MTCL1: variants seen among roughly 807,000 people sequenced by gnomAD.
The protein encoded by MTCL1 is microtubule cross-linking factor 1.
A neutral mutation model predicts 141.4 loss-of-function variants in MTCL1; 79 were observed. That is an observed-to-expected ratio of 0.56 (90% CI 0.47 to 0.67). The LOEUF (loss-of-function observed/expected upper bound fraction) is 0.67, where lower values mean the gene tolerates loss of function less well. Among genes scored for constraint, MTCL1 ranks in the 30% least tolerant of loss-of-function variants. MTCL1 has a pLI of 0.00. For missense variants in MTCL1, 2,177 were observed against 2,113.9 expected (o/e 1.03, Z -0.59); for synonymous variants, 914 against 875.8 (o/e 1.04, Z -0.77).
At chr18:8,731,158 T>C (rs1181164909) in intron 4 of MTCL1, among the ~76,000 whole-genome samples, 1 of 151,936 alleles carries the variant, frequency 6.6e-6, no homozygotes, top group Non-Finnish European at 1.5e-5. Flanking sequence ...GGCAGGAGAA[T>C]GGCGTGAACC....
At chr18:8,829,396 G>A in intron 16 of MTCL1, 12 of 985,218 alleles carry the variant, frequency 1.2e-5, no homozygotes, top group Non-Finnish European at 1.4e-5. Context: ...TGACCCTAAT[G>A]TGATAAGGCT....
At chr18:8,819,213 C>T (rs2076761507) in exon 13 of MTCL1, 1 of 1,614,202 alleles carries the variant, frequency 6.2e-7, no homozygotes, top group Admixed American at 1.7e-5. Context: ...CCAGAAGAGC[C>T]ACCAGCCCAC....
chr18:8,830,164 A>C lies in MTCL1; in HGVS notation c.*18+1200A>C. On this transcript the variant is annotated intron_variant, in intron 16 of 16. Coordinates refer to ENST00000359865, the Ensembl canonical transcript of MTCL1. The surrounding 1 kb of genome is among the most constrained non-coding windows in gnomAD (Gnocchi z 6.4). The stretch of plus-strand genomic sequence containing the variant: ...GTCAAGCACTGTGGGCTGCAGTGAG[A>C]TGAGGACACAGGAGCACCTTGGGTT... 1 of 985,472 alleles carries C rather than the reference A, an allele frequency of 1.0e-6. No individual in the cohort carries two copies. Among genetic ancestry groups the C allele is most frequent in the Non-Finnish European group, 1.2e-6 (1 of 829,978 alleles). 61.0% of individuals were successfully genotyped at this position (985,472 alleles called of 1,614,324 possible).
rs148685948 is a variant in MTCL1 at position 8,768,569 on chromosome 18, A to G, written c.358-9264A>G. On this transcript the variant is annotated intron_variant, in intron 4 of 16. Coordinates refer to ENST00000359865, the Ensembl canonical transcript of MTCL1. ...ACAGTTAAATATTTTTTCACATTACATGCATCTGAAAAACTGATGATGGGT... is the reference window on the plus strand; with the variant it reads ...ACAGTTAAATATTTTTTCACATTACGTGCATCTGAAAAACTGATGATGGGT... Among the ~76,000 whole-genome samples the G allele has an allele frequency of 2.4e-3, 363 of 152,326 alleles. 7 individuals are homozygous for G. Among genetic ancestry groups the G allele is most frequent in the African/African-American group, 8.1e-3 (338 of 41,568 alleles).
At chr18:8,764,427 C>T (rs2096449173) in intron 4 of MTCL1, among the ~76,000 whole-genome samples, 1 of 151,928 alleles carries the variant, frequency 6.6e-6, no homozygotes, top group Admixed American at 6.6e-5. Context: ...AAGTGATTCT[C>T]CTGCCTCAGC....
intron 4 of MTCL1, among the ~76,000 whole-genome samples, chr18:8,726,469 AGAG>A (rs2096212744): frequency 2.3e-5 from 3 of 133,100 alleles, no homozygotes; most frequent in African/African-American, 2.9e-5. Flanking sequence ...GGTGAGAATA[AGAG>A]GAGAGAGAGA....
At chr18:8,721,814 G>A (rs1490122324) in intron 4 of MTCL1, among the ~76,000 whole-genome samples, 3 of 152,070 alleles carry the variant, frequency 2.0e-5, no homozygotes, top group Non-Finnish European at 2.9e-5. Flanking sequence ...GTGCCCCTTC[G>A]TATCACAAGC....
intron 4 of MTCL1, among the ~76,000 whole-genome samples, chr18:8,768,837 G>C (rs2096471954): frequency 1.4e-5 from 2 of 140,194 alleles, no homozygotes; most frequent in Middle Eastern, 4.1e-3. Context: ...TGTCACCCAG[G>C]CTGGAGTGCA....
intron 4 of MTCL1, among the ~76,000 whole-genome samples, chr18:8,763,965 T>C (rs2096446123): frequency 8.1e-6 from 1 of 123,198 alleles, no homozygotes; most frequent in Non-Finnish European, 1.6e-5. Context: ...TATTTCAGAC[T>C]TTATATACTT....
At chr18:8,763,811 T>A (rs1326144852) in intron 4 of MTCL1, among the ~76,000 whole-genome samples, 1 of 152,230 alleles carries the variant, frequency 6.6e-6, no homozygotes, top group Non-Finnish European at 1.5e-5. Flanking sequence ...AAATCACTTT[T>A]GCCATTGGCT....
rs377223505 is a variant in MTCL1 at position 8,718,679 on chromosome 18, A to G, written c.198+31A>G. On this transcript the variant is annotated intron_variant, in intron 3 of 16. Transcript: ENST00000359865. ...TGAGGGGGTGGTGCGTGCACCTCGC[A>G]AGGCTGCTGTGGACCGGCTGGCCAC... is the stretch of plus-strand genomic sequence containing the variant. 1.9e-4 allele frequency: 297 copies of G among 1,601,764 alleles called. 3 individuals carry two copies. In the East Asian group the frequency reaches 4.2e-3, roughly 23 times the overall value.
At chr18:8,778,034 C>A in intron 5 of MTCL1, 142 bp downstream of exon 4, 1 of 652,114 alleles carries the variant, frequency 1.5e-6, no homozygotes, top group Non-Finnish European at 2.5e-6. Context: ...TCATTCCTAA[C>A]CTCCACAGTG....
intron 4 of MTCL1, among the ~76,000 whole-genome samples, chr18:8,761,144 C>T (rs2096430297): frequency 6.6e-6 from 1 of 152,108 alleles, no homozygotes; most frequent in Non-Finnish European, 1.5e-5. Context: ...AGGCAGTACT[C>T]GCCTGTCTTT....
At chr18:8,715,015 C>G (rs2096119625), upstream of MTCL1, among the ~76,000 whole-genome samples, 1 of 152,144 alleles carries the variant, frequency 6.6e-6, no homozygotes, top group Admixed American at 6.5e-5. Context: ...CCAGGATGGT[C>G]TTGATCTCCT....
chr18:8,725,287 A>G (rs1224986144), intron 4 of MTCL1, among the ~76,000 whole-genome samples: 1 of 152,180 alleles, frequency 6.6e-6, no homozygotes, highest in African/African-American at 2.4e-5. Context: ...CCTTTCCTCA[A>G]GCTCAGAAAA....
At chr18:8,723,578 C>G (rs2096187717) in intron 4 of MTCL1, among the ~76,000 whole-genome samples, 1 of 152,214 alleles carries the variant, frequency 6.6e-6, no homozygotes, top group Non-Finnish European at 1.5e-5. Flanking sequence ...TCCCTTCTCT[C>G]TGAAGCCCTA....
intron 4 of MTCL1, among the ~76,000 whole-genome samples, chr18:8,772,039 A>G (rs1465602978): frequency 6.6e-6 from 1 of 152,246 alleles, no homozygotes; most frequent in Admixed American, 6.5e-5. Context: ...GTCCGGTGGC[A>G]TCTAGCACGC....
chr18:8,831,251 C>A, intron 16 of MTCL1: 1 of 1,077,202 alleles, frequency 9.3e-7, no homozygotes, highest in East Asian at 7.4e-5. Context: ...ATGAACAGAT[C>A]TACCAGATAG....
chr18:8,710,197 G>T (rs2096079439), intron 1 of MTCL1, among the ~76,000 whole-genome samples: 2 of 152,210 alleles, frequency 1.3e-5, no homozygotes, highest in Admixed American at 6.5e-5. Flanking sequence ...CTTGTGTTGT[G>T]CTGTAACAGA....
Sources: allele counts gnomAD v4.1 joint callset (sites outside exome capture counted in the v4.1 genomes callset), GRCh38; gene constraint gnomAD v4.1.1; non-coding constraint Gnocchi (gnomAD v3.1); transcripts MANE v1.5; gene names NCBI Gene and HGNC (gene_info 2026-07-23, HGNC 2026-07-21).